Variants in DYNC1H1 observed in about 807,000 individuals in gnomAD.
The protein encoded by DYNC1H1 is dynein cytoplasmic 1 heavy chain 1, also known as cytoplasmic dynein 1 heavy chain 1.
In DYNC1H1, 51 loss-of-function variants were observed where a neutral mutation model predicts 527.1. The ratio of observed to expected loss-of-function variants is 0.10; its 90% CI spans 0.08 to 0.12. DYNC1H1 has a LOEUF of 0.12. DYNC1H1 is among the 10% of genes least tolerant of loss of function. The probability of loss-of-function intolerance (pLI) is 1.00; values close to 1 mark genes in which losing one functional copy is unlikely to be tolerated. For synonymous variants in DYNC1H1, 2,189 were observed against 2,278.8 expected, an observed-to-expected ratio of 0.96 and a Z score of 1.12; for missense variants, 2,771 against 5,971.8, an observed-to-expected ratio of 0.46 and a Z score of 17.66.
At chr14:101,972,410 A>G (rs766025922) in intron 1 of DYNC1H1, among the ~76,000 whole-genome samples, 5 of 152,350 alleles carry the variant, frequency 3.3e-5, no homozygotes, top group East Asian at 3.9e-4. Context: ...AGTGACTTCC[A>G]TAAGTTATTA....
chr14:101,975,205 G>C (rs1007031108), intron 1 of DYNC1H1, among the ~76,000 whole-genome samples: 3 of 152,192 alleles, frequency 2.0e-5, no homozygotes, highest in Non-Finnish European at 4.4e-5. Flanking sequence ...AGAAAACAAG[G>C]ATAATAATAG....
intron 34 of DYNC1H1, among the ~76,000 whole-genome samples, 156 bp from the exon 35 acceptor site, chr14:102,014,949 G>A (rs2048303002): frequency 1.3e-5 from 2 of 152,066 alleles, no homozygotes; most frequent in Admixed American, 6.6e-5. Context: ...CCAAGTAGCT[G>A]CAATTACAGG....
Position 102,002,206 on chromosome 14 carries a change from G to C in DYNC1H1, c.4543-331G>C. Among the ~76,000 whole-genome samples, 1 of 151,940 alleles carries C rather than the reference G, an allele frequency of 6.6e-6. No individual in the cohort carries two copies. Among genetic ancestry groups the C allele is most frequent in the East Asian group, 1.9e-4 (1 of 5,192 alleles). On this transcript the variant is annotated intron_variant, in intron 21 of 77. Transcript: ENST00000360184. The surrounding 1 kb of genome is among the most constrained non-coding windows in gnomAD (Gnocchi z 4.4). Reference sequence around the variant, plus strand: ...GCTCACTGCAACCTCTGCCTCCCGGGTTGAAGTGATTCTCCCGCCTCAGCC... The same window carrying C: ...GCTCACTGCAACCTCTGCCTCCCGGCTTGAAGTGATTCTCCCGCCTCAGCC...
intron 10 of DYNC1H1, 97 bp from the exon 11 acceptor site, chr14:101,991,430 A>G (rs1043625075): frequency 2.0e-6 from 3 of 1,481,166 alleles, no homozygotes; most frequent in South Asian, 1.2e-5. Flanking sequence ...GTGCCATTAC[A>G]CTGCAGCCTG....
Position 102,027,584 on chromosome 14 carries a change from G to T in DYNC1H1, c.9049-35G>T. 1 of 1,614,174 alleles carries T rather than the reference G, an allele frequency of 6.2e-7. No individual in the cohort carries two copies. Among genetic ancestry groups the T allele is most frequent in the Non-Finnish European group, 8.5e-7 (1 of 1,180,030 alleles). On this transcript the variant is annotated intron_variant, in intron 46 of 77. Transcript: ENST00000360184. This position sits in a 1 kb window ranked among gnomAD's most constrained non-coding sequence, Gnocchi z 7.7. ...TGTTGCGTTGCATTACGTGTTACCG[G>T]GGGACCAGTAAGTCAGCACTGTGCT... is the stretch of plus-strand genomic sequence containing the variant.
rs763110413 is a variant in DYNC1H1 at position 102,002,743 on chromosome 14, A to G, written c.4709+40A>G. The G allele has an allele frequency of 6.2e-6, 10 of 1,614,234 alleles. No individual in the cohort carries two copies. The highest frequency in any genetic ancestry group is 8.5e-6 in the Non-Finnish European group (10 of 1,180,042). On this transcript the variant is annotated intron_variant, in intron 22 of 77. Transcript: ENST00000360184. The surrounding 1 kb of genome is among the most constrained non-coding windows in gnomAD (Gnocchi z 4.4). ...CAGAGAGCCAAATTTGCCAGCGGCT[A>G]GTGACTACTCTACACAAAGGCTGAC...
Position 102,034,392 on chromosome 14 carries a change from G to A in DYNC1H1, c.10694G>A (p.Ser3565Asn), listed in dbSNP as rs547814062. Residue 3565 changes from serine (S) to asparagine (N), a missense_variant, in exon 56 of 78, where the codon AGC becomes AAC. By Grantham distance (46) the Ser-to-Asn change is conservative. Transcript: ENST00000360184. ...NADERLRWQASSLPADDLCTE... is the reference protein window; with the variant it reads ...NADERLRWQANSLPADDLCTE... ...GATGAGCGTCTTCGCTGGCAGGCCA[G>A]CTCCTTGCCTGCTGATGACCTTTGC... 32 of 1,613,984 alleles carry A rather than the reference G, an allele frequency of 2.0e-5. No individual in the cohort carries two copies. The East Asian group carries it at 5.8e-4, about 29-fold the overall frequency.
chr14:102,044,706 A>G lies in DYNC1H1; in HGVS notation c.13006+8A>G, dbSNP rs747515878. 5 of 1,613,264 alleles carry G rather than the reference A, an allele frequency of 3.1e-6. No individual in the cohort carries two copies. The highest frequency in any genetic ancestry group is 3.4e-6 in the Non-Finnish European group (4 of 1,179,928). On this transcript the variant is annotated splice_region_variant and intron_variant, in intron 72 of 77. Transcript: ENST00000360184. This position sits in a 1 kb window ranked among gnomAD's most constrained non-coding sequence, Gnocchi z 7.1. Reference sequence around the variant, plus strand: ...TCCTCCTTACCACACAGGGTAGGCAACAAGGATCCTCCCCACACGCAGGGT... The same window carrying G: ...TCCTCCTTACCACACAGGGTAGGCAGCAAGGATCCTCCCCACACGCAGGGT...
chr14:102,010,502 T>A lies in DYNC1H1; in HGVS notation c.6405+43T>A, dbSNP rs1465104816. 2 of 1,606,552 alleles carry A rather than the reference T, an allele frequency of 1.2e-6. No homozygotes were observed. Among genetic ancestry groups the A allele is most frequent in the Admixed American group, 1.7e-5 (1 of 59,550 alleles). Reference sequence around the variant, plus strand: ...TGATCACTCAAACCTTATACGTTATTTAAATTTACCTTTTTAACATTTAAG... The same window carrying A: ...TGATCACTCAAACCTTATACGTTATATAAATTTACCTTTTTAACATTTAAG... On this transcript the variant is annotated intron_variant, in intron 31 of 77. Coordinates refer to ENST00000360184, the MANE Select transcript of DYNC1H1 (RefSeq NM_001376.5). This position sits in a 1 kb window ranked among gnomAD's most constrained non-coding sequence, Gnocchi z 6.0.
rs1259401788 is a variant in DYNC1H1 at position 102,002,463 on chromosome 14, T to A, written c.4543-74T>A. 1 of 1,593,932 alleles carries A rather than the reference T, an allele frequency of 6.3e-7. No individual in the cohort carries two copies. The highest frequency in any genetic ancestry group is 8.6e-7 in the Non-Finnish European group (1 of 1,163,498). On this transcript the variant is annotated intron_variant, in intron 21 of 77. Transcript: ENST00000360184. This position sits in a 1 kb window ranked among gnomAD's most constrained non-coding sequence, Gnocchi z 4.4. Reference sequence around the variant, plus strand: ...TACTTCATGAGATCCTGATCTGCGCTTTTTCAGTGAGTTTTGGCATATCTG... The same window carrying A: ...TACTTCATGAGATCCTGATCTGCGCATTTTCAGTGAGTTTTGGCATATCTG...
Position 102,041,654 on chromosome 14 carries a change from T to C in DYNC1H1, c.12022T>C (p.Phe4008Leu), listed in dbSNP as rs763492318. The change falls in exon 65 of 78, where the codon TTT becomes CTT. Residue 4008 changes from phenylalanine to leucine, a missense_variant. Coordinates refer to ENST00000360184, the MANE Select transcript of DYNC1H1 (RefSeq NM_001376.5). The surrounding 1 kb of genome is among the most constrained non-coding windows in gnomAD (Gnocchi z 4.5). ...TCGCCTGTTGGCCATGGCCCACATG[T>C]TTGTTTCAACAAACCTTGGGGAGTC... Reference protein sequence around the residue: ...PDRLLAMAHMFVSTNLGESFM... With the variant: ...PDRLLAMAHMLVSTNLGESFM... The C allele has an allele frequency of 1.9e-6, 3 of 1,614,188 alleles. No homozygotes were observed. The highest frequency in any genetic ancestry group is 2.5e-6 in the Non-Finnish European group (3 of 1,180,042).
chr14:101,980,608 C>T, intron 5 of DYNC1H1, 58 bp downstream of exon 5: 1 of 1,577,076 alleles, frequency 6.3e-7, no homozygotes, highest in South Asian at 1.1e-5. Flanking sequence ...TTTACGAGAT[C>T]TTACTTGATA....
chr14:101,988,555 A>G (rs946370842), intron 9 of DYNC1H1, 148 bp from the exon 10 acceptor site: 3 of 1,038,370 alleles, frequency 2.9e-6, no homozygotes, highest in Non-Finnish European at 4.3e-6. Context: ...AGAAAGTGAG[A>G]AAGTGAGATT....
At chr14:102,008,925 C>T (rs2048227952) in intron 29 of DYNC1H1, among the ~76,000 whole-genome samples, 2 of 152,236 alleles carry the variant, frequency 1.3e-5, no homozygotes, top group South Asian at 2.1e-4. Context: ...CCCCCGTGCT[C>T]CCTTAGAGCT....
At chr14:102,043,817 T>A (rs930949786) in intron 69 of DYNC1H1, 58 bp from the exon 70 acceptor site, 4 of 1,613,018 alleles carry the variant, frequency 2.5e-6, no homozygotes, top group Non-Finnish European at 3.4e-6. Flanking sequence ...GCATCTGCAC[T>A]GTTCTTGGCG....
Position 101,982,072 on chromosome 14 carries a change from C to T in DYNC1H1, c.962-947C>T, listed in dbSNP as rs912712909. On this transcript the variant is annotated intron_variant, in intron 5 of 77. Transcript: ENST00000360184. Reference sequence around the variant, plus strand: ...CGGCGAGTGAGCATTACTGCCTGAGCTCTGCCCCCGTCACATGAGTGGCGG... The same window carrying T: ...CGGCGAGTGAGCATTACTGCCTGAGTTCTGCCCCCGTCACATGAGTGGCGG... Among the ~76,000 whole-genome samples the T allele has an allele frequency of 2.0e-5, 3 of 152,330 alleles. No homozygotes were observed. The East Asian group carries it at 5.8e-4, about 29-fold the overall frequency.
rs1190594405 is a variant in DYNC1H1 at position 102,051,789 on chromosome 14, A to C, written c.*1226A>C. On this transcript the variant is annotated 3_prime_UTR_variant, in exon 78 of 78. Coordinates refer to ENST00000360184, the MANE Select transcript of DYNC1H1 (RefSeq NM_001376.5). ...CTGCAACCTCCACCTACCGGGTTCA[A>C]GTGATCCTCCTGCCTCGGCCTCCTG... 2.6e-5 allele frequency: 4 copies of C among 152,088 alleles called. No homozygotes were observed. Among genetic ancestry groups the C allele is most frequent in the African/African-American group, 7.3e-5 (3 of 41,364 alleles). 9.4% of individuals were successfully genotyped at this position (152,088 alleles called of 1,614,324 possible).
rs544147763 is a variant in DYNC1H1 at position 101,970,710 on chromosome 14, T to C, written c.257-5002T>C. Reference sequence around the variant, plus strand: ...GTTGGCCAGGCTGGTCTCAAACTCCTGACCTCAGGTGATCCGCCCGCCTCA... The same window carrying C: ...GTTGGCCAGGCTGGTCTCAAACTCCCGACCTCAGGTGATCCGCCCGCCTCA... On this transcript the variant is annotated intron_variant, in intron 1 of 77. Coordinates refer to ENST00000360184, the MANE Select transcript of DYNC1H1 (RefSeq NM_001376.5). 8.5e-5 allele frequency among the ~76,000 whole-genome samples: 13 copies of C among 152,196 alleles called. No homozygotes were observed. The East Asian group carries it at 1.9e-3, about 23-fold the overall frequency.
rs772508604 is a variant in DYNC1H1, at chr14:102,002,491, AG to A, written c.4543-45del. 2.0e-5 allele frequency: 32 copies of A among 1,612,068 alleles called. No homozygotes were observed. Among genetic ancestry groups the A allele is most frequent in the Non-Finnish European group, 2.5e-5 (30 of 1,178,920 alleles). On this transcript the variant is annotated intron_variant, in intron 21 of 77. Coordinates refer to ENST00000360184, the MANE Select transcript of DYNC1H1 (RefSeq NM_001376.5). This position sits in a 1 kb window ranked among gnomAD's most constrained non-coding sequence, Gnocchi z 4.4. ...TTCAGTGAGTTTTGGCATATCTGTG[AG>A]TAGAAGGGTCAGCAGTTTACCTCTC...
Sources: gnomAD v4.1 joint callset for allele counts (sites outside exome capture counted in the v4.1 genomes callset) on GRCh38, gnomAD v4.1.1 for gene constraint, Gnocchi (gnomAD v3.1) non-coding constraint, MANE v1.5 for transcripts, NCBI Gene and HGNC (gene_info 2026-07-23, HGNC 2026-07-21) for gene names.